RBMS3: variants seen among roughly 807,000 people sequenced by gnomAD.
The protein encoded by RBMS3 is RNA binding motif single stranded interacting protein 3.
RBMS3 carries 27 observed loss-of-function variants against 66.8 expected under a neutral mutation model. The observed-to-expected ratio is 0.40, with a 90% CI of 0.30 to 0.56. RBMS3 has a LOEUF of 0.56. Ranked by LOEUF, RBMS3 falls within the 20% of genes least tolerant of loss-of-function variation. The probability of loss-of-function intolerance (pLI) is 0.40; values close to 1 mark genes in which losing one functional copy is unlikely to be tolerated. For synonymous variants in RBMS3, 188 were observed against 183.0 expected (o/e 1.03, Z -0.22); for missense variants, 513 against 549.5 (o/e 0.93, Z 0.66).
chr3:29,960,636 T>G (rs1179652405), intron 12 of RBMS3, among the ~76,000 whole-genome samples: 1 of 152,130 alleles, frequency 6.6e-6, no homozygotes, highest in African/African-American at 2.4e-5. Context: ...TGCTTGGACA[T>G]CCAGATTTTT....
At chr3:29,556,382 T>A (rs1199014263) in intron 3 of RBMS3, 2 of 152,176 alleles carry the variant, frequency 1.3e-5, no homozygotes, top group African/African-American at 4.8e-5. Flanking sequence ...GGCAGGCGGA[T>A]CACGAGGTCA....
chr3:29,409,826 C>T (rs1262316473), intron 1 of RBMS3, among the ~76,000 whole-genome samples: 1 of 152,164 alleles, frequency 6.6e-6, no homozygotes, highest in East Asian at 1.9e-4. Context: ...GGTCAAGGAG[C>T]AAGTTGCAGT....
At chr3:29,557,893 G>C (rs2046416433) in intron 3 of RBMS3, among the ~76,000 whole-genome samples, 1 of 152,140 alleles carries the variant, frequency 6.6e-6, no homozygotes, top group Non-Finnish European at 1.5e-5. Flanking sequence ...ATTTATAACA[G>C]GAACCAGAGA....
intron 3 of RBMS3, among the ~76,000 whole-genome samples, chr3:29,576,396 G>C (rs1249281105): frequency 6.6e-6 from 1 of 152,176 alleles, no homozygotes; most frequent in African/African-American, 2.4e-5. Context: ...TGTGGTTCCT[G>C]TGGCTGCCAT....
chr3:29,502,452 A>T (rs1206145465), intron 3 of RBMS3, among the ~76,000 whole-genome samples: 1 of 152,080 alleles, frequency 6.6e-6, no homozygotes, highest in African/African-American at 2.4e-5. Flanking sequence ...ACAATTAGAC[A>T]CAAGCACAAT....
At chr3:29,529,495 CT>C (rs2045266830) in intron 3 of RBMS3, among the ~76,000 whole-genome samples, 1 of 152,034 alleles carries the variant, frequency 6.6e-6, no homozygotes, top group African/African-American at 2.4e-5. Flanking sequence ...AGAATTTAGT[CT>C]TTTTTATACT....
intron 1 of RBMS3, among the ~76,000 whole-genome samples, chr3:29,360,430 G>C (rs570565097): frequency 1.3e-5 from 2 of 151,934 alleles, no homozygotes; most frequent in African/African-American, 2.4e-5. Context: ...TGTGCTTTCT[G>C]TTCTTTTACA....
intron 6 of RBMS3, among the ~76,000 whole-genome samples, chr3:29,858,982 C>G (rs1410970447): frequency 6.6e-6 from 1 of 152,152 alleles, no homozygotes; most frequent in East Asian, 1.9e-4. Flanking sequence ...GGCTATTTCA[C>G]ATAGCACAGA....
chr3:29,602,584 T>A (rs1199277679), intron 4 of RBMS3, among the ~76,000 whole-genome samples: 1 of 152,010 alleles, frequency 6.6e-6, no homozygotes, highest in African/African-American at 2.4e-5. Flanking sequence ...AAATTGTATA[T>A]CCAGAAAGTA....
At chr3:29,761,759 A>G (rs149921908) in intron 5 of RBMS3, among the ~76,000 whole-genome samples, 1 of 152,312 alleles carries the variant, frequency 6.6e-6, no homozygotes, top group African/African-American at 2.4e-5. Flanking sequence ...TTACAACTTG[A>G]GTTGATGGGC....
chr3:29,530,156 A>G (rs2045295372), intron 3 of RBMS3, among the ~76,000 whole-genome samples: 3 of 152,214 alleles, frequency 2.0e-5, no homozygotes, highest in Admixed American at 2.0e-4. Context: ...TGACCTATGT[A>G]TAGCCGGATC....
intron 6 of RBMS3, among the ~76,000 whole-genome samples, chr3:29,840,828 A>G (rs934847127): frequency 6.6e-6 from 1 of 151,940 alleles, no homozygotes; most frequent in African/African-American, 2.4e-5. Context: ...TGTCCCTATA[A>G]AATATATTTG....
intron 10 of RBMS3, among the ~76,000 whole-genome samples, chr3:29,923,338 G>A (rs914147794): frequency 4.6e-5 from 7 of 152,160 alleles, no homozygotes; most frequent in African/African-American, 1.7e-4. Context: ...GGGGATAGAT[G>A]ATATAAAACA....
intron 6 of RBMS3, among the ~76,000 whole-genome samples, chr3:29,789,824 T>C (rs1043636002): frequency 1.3e-5 from 2 of 152,202 alleles, no homozygotes; most frequent in African/African-American, 2.4e-5. Context: ...TATGATTTTC[T>C]GGAGGAAACT....
chr3:29,825,838 G>T (rs2058198030), intron 6 of RBMS3, among the ~76,000 whole-genome samples: 1 of 152,108 alleles, frequency 6.6e-6, no homozygotes, highest in South Asian at 2.1e-4. Flanking sequence ...CTAAGATTAG[G>T]CACTAATGTT....
intron 4 of RBMS3, among the ~76,000 whole-genome samples, chr3:29,589,959 G>A (rs1465536289): frequency 9.9e-5 from 15 of 152,038 alleles, no homozygotes; most frequent in Admixed American, 6.6e-4. Context: ...GTGTGCATAT[G>A]GAAAATCCAA....
At chr3:29,922,226 G>A (rs942382763) in intron 10 of RBMS3, among the ~76,000 whole-genome samples, 2 of 152,078 alleles carry the variant, frequency 1.3e-5, no homozygotes, top group Admixed American at 6.5e-5. Context: ...GGTGGCTCAC[G>A]CCTGTAATCC....
rs776357215 is a variant in RBMS3 at position 29,384,435 on chromosome 3, T to TAATAATAATAATAATAAGAAGAAGAAG, written c.76-50306_76-50305insTAATAATAATAATAAGAAGAAGAAGAA. ...TATACACCAATAATAATAATAATAA[T>TAATAATAATAATAATAAGAAGAAGAAG]AAGAAGAAGAAGAAGAAGAAGAAGA... On this transcript the variant is annotated intron_variant, in intron 1 of 14. Transcript: ENST00000383767. 6.8e-4 allele frequency among the ~76,000 whole-genome samples: 96 copies of TAATAATAATAATAATAAGAAGAAGAAG among 141,102 alleles called. 1 individual carries two copies. Among genetic ancestry groups the TAATAATAATAATAATAAGAAGAAGAAG allele is most frequent in the East Asian group, 1.4e-3 (7 of 4,834 alleles). The allele number at this position is 141,102 out of a possible 152,430, so 92.6% of individuals were successfully genotyped here.
intron 2 of RBMS3, among the ~76,000 whole-genome samples, chr3:29,484,825 TG>T (rs1166661865): frequency 6.6e-6 from 1 of 152,304 alleles, no homozygotes; most frequent in East Asian, 1.9e-4. Context: ...CAACCACATT[TG>T]CTAAAAGGCT....
Sources: gnomAD v4.1 joint callset for allele counts (sites outside exome capture counted in the v4.1 genomes callset) on GRCh38, gnomAD v4.1.1 for gene constraint, MANE v1.5 for transcripts, NCBI Gene and HGNC (gene_info 2026-07-23, HGNC 2026-07-21) for gene names.